The following MAST4 variants were observed in gnomAD, a reference collection of about 807,000 sequenced individuals.
MAST4 encodes the protein microtubule-associated serine/threonine-protein kinase 4.
A neutral mutation model predicts 162.7 loss-of-function variants in MAST4; 89 were observed. The ratio of observed to expected loss-of-function variants is 0.55; its 90% confidence interval spans 0.46 to 0.65. The LOEUF (loss-of-function observed/expected upper bound fraction) is 0.65. Among genes scored for constraint, MAST4 ranks in the 30% least tolerant of loss-of-function variants. The pLI is 0.00. For synonymous variants in MAST4, 1,479 were observed against 1,361.1 expected (o/e 1.09, Z -1.91); for missense variants, 3,153 against 3,374.0 (o/e 0.93, Z 1.62).
intron 1 of MAST4, among the ~76,000 whole-genome samples, chr5:66,745,831 T>A (rs1215557149): frequency 6.6e-6 from 1 of 152,206 alleles, no homozygotes; most frequent in East Asian, 1.9e-4. Flanking sequence ...TAGCGCAATG[T>A]CTAGTCCATA....
chr5:66,889,909 A>G (rs1213730234), intron 3 of MAST4, among the ~76,000 whole-genome samples: 1 of 152,252 alleles, frequency 6.6e-6, no homozygotes, highest in African/African-American at 2.4e-5. Context: ...GGCTTGGATT[A>G]GAATATGGGT....
chr5:66,930,837 G>A (rs906021323), intron 4 of MAST4: 5 of 468,012 alleles, frequency 1.1e-5, no homozygotes, highest in Non-Finnish European at 2.2e-5. Context: ...CTGGACCTTT[G>A]AGGAAGGAGA....
chr5:66,726,401 G>A (rs1032730552), intron 1 of MAST4, among the ~76,000 whole-genome samples: 6 of 152,124 alleles, frequency 3.9e-5, no homozygotes, highest in Non-Finnish European at 5.9e-5. Flanking sequence ...AATCTCAAAG[G>A]CAGAGGAAGA....
chr5:66,711,632 T>G (rs915354274), intron 1 of MAST4, among the ~76,000 whole-genome samples: 1 of 152,120 alleles, frequency 6.6e-6, no homozygotes, highest in Non-Finnish European at 1.5e-5. Flanking sequence ...GTCAGGAGTT[T>G]GAGACCAGCC....
chr5:67,132,353 T>G (rs1350135915), intron 16 of MAST4, among the ~76,000 whole-genome samples: 2 of 152,076 alleles, frequency 1.3e-5, no homozygotes, highest in Non-Finnish European at 2.9e-5. Flanking sequence ...ATGCTTATAT[T>G]AATAACTTAT....
chr5:66,727,710 C>T (rs894657955), intron 1 of MAST4, among the ~76,000 whole-genome samples: 5 of 151,996 alleles, frequency 3.3e-5, no homozygotes, highest in Non-Finnish European at 5.9e-5. Context: ...AGAGGGCTAT[C>T]GTTTTTTTTC....
chr5:67,122,116 T>C (rs1229361432), intron 14 of MAST4, among the ~76,000 whole-genome samples: 1 of 152,212 alleles, frequency 6.6e-6, no homozygotes, highest in African/African-American at 2.4e-5. Context: ...AGAAGGGTAA[T>C]TAATGCACAA....
At chr5:66,659,789 G>A (rs762006106) in intron 1 of MAST4, among the ~76,000 whole-genome samples, 18 of 152,232 alleles carry the variant, frequency 1.2e-4, no homozygotes, top group Non-Finnish European at 2.1e-4. Flanking sequence ...ATGCTGTGTA[G>A]CGCATGTGCT....
chr5:66,863,911 T>C (rs1760296299), intron 3 of MAST4, among the ~76,000 whole-genome samples: 1 of 152,226 alleles, frequency 6.6e-6, no homozygotes, highest in Non-Finnish European at 1.5e-5. Context: ...TACTCCTTTG[T>C]AAGTAATCCC....
At chr5:66,891,901 A>G (rs1233273151) in intron 3 of MAST4, among the ~76,000 whole-genome samples, 5 of 152,230 alleles carry the variant, frequency 3.3e-5, no homozygotes, top group Admixed American at 6.5e-5. Flanking sequence ...ACGCAAGGGT[A>G]GATGTATTGT....
At chr5:66,991,397 C>T (rs1490221909) in intron 4 of MAST4, among the ~76,000 whole-genome samples, 1 of 152,164 alleles carries the variant, frequency 6.6e-6, no homozygotes, top group African/African-American at 2.4e-5. Flanking sequence ...GTTAGACTCA[C>T]CCAGAATATT....
intron 4 of MAST4, among the ~76,000 whole-genome samples, chr5:66,952,501 C>G (rs761721962): frequency 2.6e-5 from 4 of 152,060 alleles, no homozygotes; most frequent in Non-Finnish European, 4.4e-5. Flanking sequence ...ACCTCCTCAT[C>G]ATATAGAACA....
intron 8 of MAST4, among the ~76,000 whole-genome samples, chr5:67,101,513 G>C (rs1765025958): frequency 6.6e-6 from 1 of 152,180 alleles, no homozygotes; most frequent in Non-Finnish European, 1.5e-5. Flanking sequence ...GAGGGATCAG[G>C]ATAGGGCATC....
At chr5:66,696,251 C>T (rs1749392110) in intron 1 of MAST4, among the ~76,000 whole-genome samples, 1 of 151,964 alleles carries the variant, frequency 6.6e-6, no homozygotes, top group African/African-American at 2.4e-5. Context: ...CTAAAGCATG[C>T]AGGGCTTAAT....
chr5:66,738,539 G>A (rs1278394378), intron 1 of MAST4, among the ~76,000 whole-genome samples: 1 of 152,184 alleles, frequency 6.6e-6, no homozygotes, highest in African/African-American at 2.4e-5. Flanking sequence ...TGAAACTTAT[G>A]TTCTAATGGG....
chr5:66,991,812 T>G (rs1750092561), intron 4 of MAST4, among the ~76,000 whole-genome samples: 1 of 152,200 alleles, frequency 6.6e-6, no homozygotes. Context: ...CCAGGCAGTT[T>G]ATGGTTTAGG....
At chr5:67,046,789 A>G (rs1757425236) in intron 4 of MAST4, among the ~76,000 whole-genome samples, 1 of 152,204 alleles carries the variant, frequency 6.6e-6, no homozygotes. Flanking sequence ...AGCTATTGAA[A>G]TTAGCCTAAA....
intron 3 of MAST4, among the ~76,000 whole-genome samples, chr5:66,822,424 G>A (rs944443661): frequency 1.3e-5 from 2 of 152,190 alleles, no homozygotes; most frequent in Non-Finnish European, 2.9e-5. Flanking sequence ...GCCTGGCATG[G>A]CAATGGAAAG....
intron 3 of MAST4, among the ~76,000 whole-genome samples, chr5:66,809,162 C>T (rs1756352611): frequency 6.6e-6 from 1 of 152,320 alleles, no homozygotes; most frequent in Middle Eastern, 3.4e-3. Context: ...AACTTCCCCT[C>T]AGCCACCAAA....
Sources: gnomAD v4.1 joint callset for allele counts (sites outside exome capture counted in the v4.1 genomes callset) on GRCh38, gnomAD v4.1.1 for gene constraint, MANE v1.5 for transcripts, NCBI Gene and HGNC (gene_info 2026-07-23, HGNC 2026-07-21) for gene names.